The following MAP2 variants were observed in gnomAD, a reference collection of about 807,000 sequenced individuals.
The protein encoded by MAP2 is microtubule-associated protein 2.
A neutral mutation model predicts 137.6 loss-of-function variants in MAP2; 14 were observed. The observed-to-expected ratio is 0.10, with a 90% CI of 0.07 to 0.16. MAP2 has a LOEUF of 0.16. MAP2 is among the 10% of genes least tolerant of loss of function. MAP2 has a pLI of 1.00. For missense variants in MAP2, 2,088 were observed against 2,191.5 expected, an observed-to-expected ratio of 0.95 and a Z score of 0.94; for synonymous variants, 786 against 782.3, an observed-to-expected ratio of 1.00 and a Z score of -0.08.
intron 4 of MAP2, among the ~76,000 whole-genome samples, chr2:209,637,774 T>A (rs2093685457): frequency 6.6e-6 from 1 of 152,168 alleles, no homozygotes; most frequent in Admixed American, 6.6e-5. Flanking sequence ...AATTTTTGAA[T>A]ACCAGTGCAT....
intron 2 of MAP2, among the ~76,000 whole-genome samples, chr2:209,536,165 T>C (rs2065913960): frequency 6.6e-6 from 1 of 152,218 alleles, no homozygotes; most frequent in Non-Finnish European, 1.5e-5. Context: ...CTCCTAAACA[T>C]TTAATAACCT....
chr2:209,459,534 C>G (rs1702277875), intron 1 of MAP2, among the ~76,000 whole-genome samples: 1 of 152,154 alleles, frequency 6.6e-6, no homozygotes, highest in South Asian at 2.1e-4. Context: ...GTGCATCATC[C>G]CATTCTGCCC....
chr2:209,699,073 T>A (rs2061047325), intron 10 of MAP2, among the ~76,000 whole-genome samples: 1 of 152,226 alleles, frequency 6.6e-6, no homozygotes, highest in African/African-American at 2.4e-5. Flanking sequence ...AATGTTAAGA[T>A]ACTTTAGGAG....
chr2:209,705,971 T>G (rs147884892), intron 12 of MAP2, among the ~76,000 whole-genome samples: 9 of 152,142 alleles, frequency 5.9e-5, no homozygotes, highest in Non-Finnish European at 1.2e-4. Flanking sequence ...AAGTTATTTC[T>G]CTAAGAATAT....
chr2:209,505,985 G>T (rs894070073), intron 1 of MAP2, among the ~76,000 whole-genome samples: 4 of 151,816 alleles, frequency 2.6e-5, no homozygotes, highest in African/African-American at 9.7e-5. Context: ...AAAAAGAAAA[G>T]AAAAGAAAAA....
chr2:209,645,501 G>T (rs1006627822), intron 4 of MAP2, among the ~76,000 whole-genome samples: 1 of 151,704 alleles, frequency 6.6e-6, no homozygotes, highest in African/African-American at 2.4e-5. Flanking sequence ...AGATTTTTCT[G>T]CTACAGTCTG....
intron 1 of MAP2, among the ~76,000 whole-genome samples, chr2:209,499,051 T>C (rs1050842529): frequency 1.3e-5 from 2 of 152,122 alleles, no homozygotes; most frequent in African/African-American, 4.8e-5. Flanking sequence ...AGATGAAAAA[T>C]TTTCTAAACT....
intron 2 of MAP2, among the ~76,000 whole-genome samples, chr2:209,510,120 C>CT (rs1379131617): frequency 6.6e-6 from 1 of 150,600 alleles, no homozygotes; most frequent in East Asian, 1.9e-4. Context: ...CAATTTTTGC[C>CT]TTTTTAAAAA....
intron 13 of MAP2, among the ~76,000 whole-genome samples, chr2:209,723,154 A>T (rs1327849854): frequency 2.0e-5 from 3 of 152,172 alleles, no homozygotes; most frequent in African/African-American, 7.2e-5. Context: ...CGAGGTGATT[A>T]ATAATTGTGA....
At chr2:209,594,263 A>G (rs1313550676) in intron 3 of MAP2, among the ~76,000 whole-genome samples, 1 of 151,848 alleles carries the variant, frequency 6.6e-6, no homozygotes, top group East Asian at 1.9e-4. Flanking sequence ...ATTTATCTGT[A>G]TTAGACCAGG....
At chr2:209,648,230 T>A (rs1208006058) in intron 4 of MAP2, among the ~76,000 whole-genome samples, 1 of 151,870 alleles carries the variant, frequency 6.6e-6, no homozygotes, top group Non-Finnish European at 1.5e-5. Context: ...GCCTCCCAAG[T>A]AGCTGGAACT....
At chr2:209,529,930 C>A (rs1380364660) in intron 2 of MAP2, among the ~76,000 whole-genome samples, 1 of 110,960 alleles carries the variant, frequency 9.0e-6, no homozygotes, top group East Asian at 3.2e-4. Context: ...AGAGGAGAAA[C>A]AAACTCAATA....
chr2:209,424,403 T>A (rs968568997), intron 1 of MAP2, 127 bp downstream of exon 1: 1 of 152,620 alleles, frequency 6.6e-6, no homozygotes, highest in Non-Finnish European at 1.5e-5. Context: ...GCAGGCAGTC[T>A]GGTAGTTGGT....
intron 2 of MAP2, among the ~76,000 whole-genome samples, chr2:209,549,698 G>A (rs186937504): frequency 5.3e-5 from 8 of 152,198 alleles, no homozygotes; most frequent in Middle Eastern, 3.4e-3. Flanking sequence ...CTATTTTCAT[G>A]GCAACAATCA....
chr2:209,574,246 T>C (rs1044893552), intron 2 of MAP2, among the ~76,000 whole-genome samples: 10 of 152,170 alleles, frequency 6.6e-5, no homozygotes, highest in Non-Finnish European at 1.3e-4. Context: ...TAACCACAGT[T>C]TTGTTCACTG....
intron 2 of MAP2, among the ~76,000 whole-genome samples, chr2:209,572,479 T>C (rs1199848903): frequency 1.3e-5 from 2 of 152,160 alleles, no homozygotes; most frequent in East Asian, 3.8e-4. Context: ...CAGATAGTTA[T>C]AGGACTTTGG....
chr2:209,587,400 G>A (rs1181189522), intron 3 of MAP2, among the ~76,000 whole-genome samples: 1 of 152,020 alleles, frequency 6.6e-6, no homozygotes, highest in African/African-American at 2.4e-5. Context: ...TCATCTCTTT[G>A]TGGTGGACTG....
chr2:209,730,577 C>T lies in MAP2; in HGVS notation c.*180C>T, dbSNP rs1044508049. 4.1e-5 allele frequency: 24 copies of T among 591,046 alleles called. No homozygotes were observed. The Middle Eastern group carries it at 1.8e-3, about 45-fold the overall frequency. 36.6% of individuals were successfully genotyped at this position (591,046 alleles called of 1,614,324 possible). The stretch of plus-strand genomic sequence containing the variant: ...ATGAATAGTACATGCAGAAATTGAC[C>T]TGATTTCCATTTGCAACAGGAAGAC... On this transcript the variant is annotated 3_prime_UTR_variant, in exon 16 of 16. Coordinates refer to ENST00000682079, the MANE Select transcript of MAP2 (RefSeq NM_001375505.1).
At chr2:209,557,555 A>G (rs923889179) in intron 2 of MAP2, among the ~76,000 whole-genome samples, 1 of 152,202 alleles carries the variant, frequency 6.6e-6, no homozygotes. Context: ...GCATCACTGG[A>G]AGACTCATCA....
Sources: allele counts gnomAD v4.1 joint callset (sites outside exome capture counted in the v4.1 genomes callset), GRCh38; gene constraint gnomAD v4.1.1; transcripts MANE v1.5; gene names NCBI Gene and HGNC (gene_info 2026-07-23, HGNC 2026-07-21).